The following CSMD2 variants were observed in gnomAD, a reference collection of about 807,000 sequenced individuals.
CSMD2 encodes CUB and sushi domain-containing protein 2.
CSMD2 carries 130 observed loss-of-function variants against 398.5 expected under a neutral mutation model. The observed-to-expected ratio is 0.33, with a 90% confidence interval of 0.28 to 0.38. The LOEUF is 0.38. Among genes scored for constraint, CSMD2 ranks in the 10% least tolerant of loss-of-function variants. CSMD2 has a pLI of 1.00. For missense variants in CSMD2, 3,829 were observed against 4,764.9 expected (o/e 0.80, Z 5.78); for synonymous variants, 1,828 against 1,908.5 (o/e 0.96, Z 1.10).
At chr1:34,035,839 G>A (rs1326834234) in intron 2 of CSMD2, among the ~76,000 whole-genome samples, 1 of 151,614 alleles carries the variant, frequency 6.6e-6, no homozygotes, top group Non-Finnish European at 1.5e-5. Context: ...AACTCAGTTA[G>A]AAAATCCGCA....
At position 33,636,334 on chromosome 1, in the gene CSMD2, C is replaced by T; in HGVS notation, c.4969+26G>A. 1 of 1,560,608 alleles carries T rather than the reference C, an allele frequency of 6.4e-7. No homozygotes were observed. Among genetic ancestry groups the T allele is most frequent in the Non-Finnish European group, 8.7e-7 (1 of 1,150,602 alleles). Reference sequence around the variant, plus strand: ...CTGGCATGCCCTCAGTTCCTCAGACCCCTGCCATCCCCAGGCTTCCACCAC... The same window carrying T: ...CTGGCATGCCCTCAGTTCCTCAGACTCCTGCCATCCCCAGGCTTCCACCAC... On this transcript the variant is annotated intron_variant, in intron 30 of 70. Transcript: ENST00000373381. This position sits in a 1 kb window ranked among gnomAD's most constrained non-coding sequence, Gnocchi z 4.8.
At chr1:34,051,869 T>C (rs1653209133) in intron 2 of CSMD2, among the ~76,000 whole-genome samples, 1 of 152,184 alleles carries the variant, frequency 6.6e-6, no homozygotes, top group Admixed American at 6.5e-5. Context: ...AACATTATTC[T>C]GGGTGTGTCT....
intron 53 of CSMD2, among the ~76,000 whole-genome samples, chr1:33,561,134 GT>G (rs1658504100): frequency 6.6e-6 from 1 of 152,222 alleles, no homozygotes; most frequent in South Asian, 2.1e-4. Context: ...GGGGACGGGG[GT>G]GTAAGAAGAG....
intron 10 of CSMD2, among the ~76,000 whole-genome samples, chr1:33,809,655 G>A (rs975360924): frequency 2.0e-5 from 3 of 151,962 alleles, no homozygotes; most frequent in African/African-American, 7.2e-5. Flanking sequence ...ATGATTTGAT[G>A]TTATACTGGG....
intron 21 of CSMD2, among the ~76,000 whole-genome samples, chr1:33,713,699 C>T (rs184568660): frequency 9.2e-5 from 14 of 152,232 alleles, no homozygotes; most frequent in Non-Finnish European, 1.0e-4. Context: ...TTCTCCCTGC[C>T]GCTTGCTCCA....
rs1038856996 is a variant in CSMD2 at position 34,100,035 on chromosome 1, G to C, written c.188-10842C>G. Among the ~76,000 whole-genome samples the C allele has an allele frequency of 3.3e-5, 5 of 152,240 alleles. No individual in the cohort carries two copies. In the South Asian group the frequency reaches 1.0e-3, roughly 32 times the overall value. ...AGGCAAGATTTAAAAAGAGAAAACT[G>C]ATTATAATCTCTTCCTTCCAGAGGC... On this transcript the variant is annotated intron_variant, in intron 1 of 70. Coordinates refer to ENST00000373381, the MANE Select transcript of CSMD2 (RefSeq NM_001281956.2).
At chr1:33,592,104 C>G (rs971655165) in intron 44 of CSMD2, 1 of 410,248 alleles carries the variant, frequency 2.4e-6, no homozygotes, top group African/African-American at 2.0e-5. Context: ...AGCAAAAAAG[C>G]CTCTCAGAGA....
intron 5 of CSMD2, among the ~76,000 whole-genome samples, chr1:33,890,681 C>G (rs1641948084): frequency 6.6e-6 from 1 of 151,756 alleles, no homozygotes; most frequent in Non-Finnish European, 1.5e-5. Flanking sequence ...CAGCATGGTA[C>G]TGGTACCAAA....
In CSMD2 at chr1:33,546,037, C is replaced by T; in HGVS notation, c.9100G>A (p.Val3034Met). ...SWSGSQPECGVISCGNPGTPS... is the reference protein window; with the variant it reads ...SWSGSQPECGMISCGNPGTPS... ...GAAGCAGAATGGTCACATACATTACCTCCACACTCAGGCTGCGAGCCGCTC... is the reference window on the plus strand; with the variant it reads ...GAAGCAGAATGGTCACATACATTACTTCCACACTCAGGCTGCGAGCCGCTC... The change falls in exon 57 of 71, where the codon GTG becomes ATG. Residue 3034 changes from valine to methionine, a missense_variant and splice_region_variant. Transcript: ENST00000373381. The T allele has an allele frequency of 6.2e-7, 1 of 1,611,248 alleles. No homozygotes were observed. The highest frequency in any genetic ancestry group is 8.5e-7 in the Non-Finnish European group (1 of 1,178,188).
intron 13 of CSMD2, among the ~76,000 whole-genome samples, chr1:33,770,472 T>C (rs1651110817): frequency 6.6e-6 from 1 of 152,200 alleles, no homozygotes; most frequent in Non-Finnish European, 1.5e-5. Flanking sequence ...CAGATGGAAG[T>C]CCCTCACTTT....
intron 9 of CSMD2, among the ~76,000 whole-genome samples, chr1:33,818,499 A>G (rs1218230570): frequency 1.3e-5 from 2 of 152,240 alleles, no homozygotes; most frequent in African/African-American, 2.4e-5. Flanking sequence ...GGTAGGATAC[A>G]TACTATTAGC....
At chr1:33,975,134 G>A (rs1214850366) in intron 3 of CSMD2, among the ~76,000 whole-genome samples, 1 of 152,160 alleles carries the variant, frequency 6.6e-6, no homozygotes, top group African/African-American at 2.4e-5. Flanking sequence ...AAGGAAGGCT[G>A]GGAAGAATCA....
chr1:34,005,408 C>T lies in CSMD2; in HGVS notation c.517+27186G>A, dbSNP rs578131969. 2.0e-5 allele frequency among the ~76,000 whole-genome samples: 3 copies of T among 152,014 alleles called. No homozygotes were observed. The South Asian group carries it at 6.2e-4, about 32-fold the overall frequency. On this transcript the variant is annotated intron_variant, in intron 3 of 70. Coordinates refer to ENST00000373381, the MANE Select transcript of CSMD2 (RefSeq NM_001281956.2). ...TCCTAATATCTCACTTGCCAGGAATCCTCCACTTCCCCTTTGTAGAACCAA... is the reference window on the plus strand; with the variant it reads ...TCCTAATATCTCACTTGCCAGGAATTCTCCACTTCCCCTTTGTAGAACCAA...
chr1:33,629,329 C>T (rs1223711274), intron 32 of CSMD2, among the ~76,000 whole-genome samples: 1 of 151,980 alleles, frequency 6.6e-6, no homozygotes, highest in Non-Finnish European at 1.5e-5. Context: ...GAAGCAAAAT[C>T]AAAACAACAC....
At chr1:34,024,502 T>C (rs1224755483) in intron 3 of CSMD2, among the ~76,000 whole-genome samples, 2 of 152,380 alleles carry the variant, frequency 1.3e-5, no homozygotes, top group East Asian at 3.9e-4. Context: ...GGACGTGATA[T>C]GAAAATCATC....
intron 25 of CSMD2, among the ~76,000 whole-genome samples, chr1:33,669,965 GA>G (rs1296274666): frequency 2.0e-5 from 3 of 152,190 alleles, no homozygotes; most frequent in African/African-American, 7.2e-5. Flanking sequence ...AGTATTTCCA[GA>G]GGGATCTTGG....
chr1:34,054,093 G>A (rs887283513), intron 2 of CSMD2, among the ~76,000 whole-genome samples: 11 of 152,062 alleles, frequency 7.2e-5, no homozygotes, highest in Non-Finnish European at 1.3e-4. Context: ...TAACCATGGC[G>A]CATTTGTCAA....
intron 2 of CSMD2, among the ~76,000 whole-genome samples, chr1:34,088,356 A>C (rs1354328860): frequency 6.6e-6 from 1 of 152,192 alleles, no homozygotes; most frequent in Non-Finnish European, 1.5e-5. Context: ...TTTGCCCCAG[A>C]AAAGTCTGCC....
At position 33,846,445 on chromosome 1, in the gene CSMD2, A is replaced by G. The variant is rs151001030; in HGVS notation, c.1033+439T>C. ...GCTGGTGGTTAAGAGGGTGGGCTCC[A>G]GACTCAAAAGGCAGGAGTTCAGATG... On this transcript the variant is annotated intron_variant, in intron 6 of 70. Transcript: ENST00000373381. Among the ~76,000 whole-genome samples, 1,327 of 152,374 alleles carry G rather than the reference A, an allele frequency of 8.7e-3. 18 individuals are homozygous for G. Among genetic ancestry groups the G allele is most frequent in the African/African-American group, 0.03 (1,261 of 41,588 alleles).
Sources: allele counts gnomAD v4.1 joint callset (sites outside exome capture counted in the v4.1 genomes callset), GRCh38; gene constraint gnomAD v4.1.1; non-coding constraint Gnocchi (gnomAD v3.1); transcripts MANE v1.5; gene names NCBI Gene and HGNC (gene_info 2026-07-23, HGNC 2026-07-21).